AGMO: variants seen among roughly 807,000 people sequenced by gnomAD.
AGMO encodes the protein glyceryl-ether monooxygenase.
AGMO carries 75 observed loss-of-function variants against 60.2 expected under a neutral mutation model. The ratio of observed to expected loss-of-function variants is 1.25; its 90% CI spans 1.03 to 1.51. The LOEUF (loss-of-function observed/expected upper bound fraction) is 1.51, where lower values mean the gene tolerates loss of function less well. Among genes scored for constraint, AGMO ranks in the 40% most tolerant of loss-of-function variants. The pLI, the probability that AGMO is intolerant of heterozygous loss-of-function variation, is 0.00. For missense variants in AGMO, 763 were observed against 525.5 expected, an observed-to-expected ratio of 1.45 and a Z score of -4.42; for synonymous variants, 261 against 177.1, an observed-to-expected ratio of 1.47 and a Z score of -3.76.
At chr7:15,163,215 T>C in the AGMO span, among the ~76,000 whole-genome samples, 1 of 152,068 alleles carries the variant, frequency 6.6e-6, no homozygotes, top group Non-Finnish European at 1.5e-5. Context: ...AGTCTAGGAG[T>C]CTTTTGAAGG....
At chr7:15,322,542 AT>A (rs1563086243) in intron 12 of AGMO, among the ~76,000 whole-genome samples, 2 of 58,726 alleles carry the variant, frequency 3.4e-5, no homozygotes, top group Admixed American at 3.3e-4. Flanking sequence ...ATAAATATAT[AT>A]ATAAATATAT....
the AGMO span, among the ~76,000 whole-genome samples, chr7:15,191,941 TCTCTCA>T: frequency 2.1e-5 from 3 of 141,558 alleles, no homozygotes; most frequent in Admixed American, 7.4e-5. Flanking sequence ...TCGAATAAAA[TCTCTCA>T]CTCTCACTCT....
intron 12 of AGMO, among the ~76,000 whole-genome samples, chr7:15,346,405 C>G (rs1782032983): frequency 6.6e-6 from 1 of 151,996 alleles, no homozygotes; most frequent in Admixed American, 6.6e-5. Context: ...ACACCTACTT[C>G]CAACATTTAA....
At chr7:15,524,541 T>C (rs929391583) in intron 3 of AGMO, among the ~76,000 whole-genome samples, 1 of 152,156 alleles carries the variant, frequency 6.6e-6, no homozygotes, top group Non-Finnish European at 1.5e-5. Flanking sequence ...TTGAATCAGT[T>C]TGGATATGCA....
intron 5 of AGMO, among the ~76,000 whole-genome samples, chr7:15,416,372 C>G (rs1179446000): frequency 1.3e-5 from 2 of 152,040 alleles, no homozygotes; most frequent in Admixed American, 1.3e-4. Flanking sequence ...CAAAAGTAAA[C>G]AGAAAATTTC....
chr7:15,457,472 T>G lies in AGMO; in HGVS notation c.410-26364A>C, dbSNP rs192305401. Among the ~76,000 whole-genome samples, 353 of 152,314 alleles carry G rather than the reference T, an allele frequency of 2.3e-3. 1 individual carries two copies. The highest frequency in any genetic ancestry group is 7.7e-3 in the African/African-American group (322 of 41,586). On this transcript the variant is annotated intron_variant, in intron 3 of 12. Transcript: ENST00000342526. The stretch of plus-strand genomic sequence containing the variant: ...TGCAATACATTCTTAGAAACCCTAC[T>G]GTGAATTCAAAATTTTACTCGAGTA...
At chr7:15,387,600 A>C in intron 8 of AGMO, 60 bp from the exon 9 acceptor site, 1 of 1,426,138 alleles carries the variant, frequency 7.0e-7, no homozygotes, top group East Asian at 2.3e-5. Context: ...ATTAAATACC[A>C]AAAGTTATGT....
intron 4 of AGMO, among the ~76,000 whole-genome samples, chr7:15,428,773 C>T (rs541693066): frequency 6.6e-6 from 1 of 152,120 alleles, no homozygotes; most frequent in Non-Finnish European, 1.5e-5. Flanking sequence ...GCATTGATTT[C>T]CCCAGAGCAA....
chr7:15,352,633 G>C (rs1014357212), intron 12 of AGMO, among the ~76,000 whole-genome samples: 4 of 151,980 alleles, frequency 2.6e-5, no homozygotes, highest in Middle Eastern at 6.8e-3. Context: ...TTCTGGCCTT[G>C]AGTTGATGGT....
At chr7:15,185,270 A>G in the AGMO span, among the ~76,000 whole-genome samples, 1 of 152,080 alleles carries the variant, frequency 6.6e-6, no homozygotes, top group Non-Finnish European at 1.5e-5. Flanking sequence ...AAATAAATAT[A>G]AACTAAAAGA....
At chr7:15,241,456 T>C (rs1384549740) in intron 12 of AGMO, among the ~76,000 whole-genome samples, 2 of 59,068 alleles carry the variant, frequency 3.4e-5, no homozygotes, top group African/African-American at 1.5e-4. Context: ...TGAGACTCCG[T>C]CTCAAAAAAA....
the AGMO span, among the ~76,000 whole-genome samples, chr7:15,135,162 T>TG: frequency 0.091 from 9,306 of 102,054 alleles, 314 homozygotes; most frequent in Middle Eastern, 0.15. Flanking sequence ...TTATATGAGT[T>TG]TGTGTGTGTG....
At chr7:15,378,372 G>T (rs1299724561) in intron 10 of AGMO, among the ~76,000 whole-genome samples, 1 of 152,004 alleles carries the variant, frequency 6.6e-6, no homozygotes, top group African/African-American at 2.4e-5. Flanking sequence ...AAATTAAAAT[G>T]GTTTTTGTTG....
intron 12 of AGMO, among the ~76,000 whole-genome samples, chr7:15,218,545 C>T (rs1781816613): frequency 7.5e-6 from 1 of 133,404 alleles, no homozygotes; most frequent in African/African-American, 3.5e-5. Context: ...AATTCATTTC[C>T]TTTAAAAAAA....
chr7:15,344,299 G>A (rs1583432219), intron 12 of AGMO, among the ~76,000 whole-genome samples: 1 of 152,158 alleles, frequency 6.6e-6, no homozygotes. Flanking sequence ...AAAAGCTAAA[G>A]CAACACTTAC....
intron 12 of AGMO, among the ~76,000 whole-genome samples, chr7:15,207,921 G>C (rs983709578): frequency 7.2e-5 from 11 of 152,130 alleles, no homozygotes; most frequent in Non-Finnish European, 1.6e-4. Context: ...GTGACAGTGC[G>C]AGACTCTGTC....
chr7:15,308,544 CTTGTCTCATTTGT>C (rs1780679659), intron 12 of AGMO, among the ~76,000 whole-genome samples: 2 of 152,036 alleles, frequency 1.3e-5, no homozygotes, highest in African/African-American at 2.4e-5. Context: ...GTCATATTTG[CTTGTCTCATTTGT>C]TTGTCTCAAT....
chr7:15,345,116 A>G (rs554234098), intron 12 of AGMO, among the ~76,000 whole-genome samples: 137 of 152,312 alleles, frequency 9.0e-4, no homozygotes, highest in African/African-American at 3.1e-3. Flanking sequence ...ACAAAAATGC[A>G]AATCTAATCA....
At position 15,361,508 on chromosome 7, in the gene AGMO, C is replaced by G. The variant is rs368915377; in HGVS notation, c.1263+4006G>C. 1.1e-4 allele frequency among the ~76,000 whole-genome samples: 13 copies of G among 121,130 alleles called. No individual in the cohort carries two copies. In the East Asian group the frequency reaches 2.7e-3, roughly 25 times the overall value. 79.5% of individuals were successfully genotyped at this position (121,130 alleles called of 152,430 possible). On this transcript the variant is annotated intron_variant, in intron 12 of 12. Coordinates refer to ENST00000342526, the MANE Select transcript of AGMO (RefSeq NM_001004320.2). ...TGAGCCGAGATCGCGCCACTGTGCT[C>G]CAGCCTGGGCAACAGAGCGAGACTG...
Sources: allele counts gnomAD v4.1 joint callset (sites outside exome capture counted in the v4.1 genomes callset), GRCh38; gene constraint gnomAD v4.1.1; transcripts MANE v1.5; gene names NCBI Gene and HGNC (gene_info 2026-07-23, HGNC 2026-07-21).